CTTNBP2NL: variants seen among roughly 807,000 people sequenced by gnomAD.
The protein encoded by CTTNBP2NL is CTTNBP2 N-terminal like, also known as CTTNBP2 N-terminal-like protein.
A neutral mutation model predicts 32.5 loss-of-function variants in CTTNBP2NL; 16 were observed. The ratio of observed to expected loss-of-function variants is 0.49; its 90% confidence interval spans 0.33 to 0.75. CTTNBP2NL has a LOEUF of 0.75. CTTNBP2NL is among the 30% of genes least tolerant of loss of function. The probability of loss-of-function intolerance (pLI) is 0.02; values close to 1 mark genes in which losing one functional copy is unlikely to be tolerated. For synonymous variants in CTTNBP2NL, 298 were observed against 289.4 expected, an observed-to-expected ratio of 1.03 and a Z score of -0.30; for missense variants, 645 against 756.0, an observed-to-expected ratio of 0.85 and a Z score of 1.72.
chr1:112,391,121 C>G, the CTTNBP2NL span, among the ~76,000 whole-genome samples: 1 of 152,202 alleles, frequency 6.6e-6, no homozygotes, highest in Non-Finnish European at 1.5e-5. Context: ...TAAGGACTGC[C>G]CAGCAAATCC....
intron 3 of CTTNBP2NL, among the ~76,000 whole-genome samples, chr1:112,424,983 A>ATTTTTT (rs1239412500): frequency 2.2e-5 from 3 of 134,386 alleles, no homozygotes; most frequent in African/African-American, 5.5e-5. Context: ...GCCCAGCTAA[A>ATTTTTT]TTTTTTTTTT....
In CTTNBP2NL at chr1:112,457,074, C is replaced by A; in HGVS notation, c.1582C>A (p.Pro528Thr). 1 of 1,614,182 alleles carries A rather than the reference C, an allele frequency of 6.2e-7. No individual in the cohort carries two copies. Among genetic ancestry groups the A allele is most frequent in the South Asian group, 1.1e-5 (1 of 91,084 alleles). The change falls in exon 6 of 6, where the codon CCC becomes ACC. Residue 528 changes from proline (P) to threonine (T), a missense_variant. Transcript: ENST00000271277. Reference protein sequence around the residue: ...PIKPVSPNSSPFGTDYRNLAN... With the variant: ...PIKPVSPNSSTFGTDYRNLAN... The stretch of plus-strand genomic sequence containing the variant: ...CAAGCCAGTCTCTCCCAACAGCTCT[C>A]CCTTTGGCACAGACTATCGAAATCT...
intron 3 of CTTNBP2NL, 21 bp from the exon 4 acceptor site, chr1:112,448,921 A>G: frequency 7.0e-7 from 1 of 1,433,664 alleles, no homozygotes; most frequent in Non-Finnish European, 9.8e-7. Flanking sequence ...CAAGATGCTT[A>G]TTTTTTTTCC....
At chr1:112,424,245 A>G (rs954505326) in intron 3 of CTTNBP2NL, among the ~76,000 whole-genome samples, 5 of 151,846 alleles carry the variant, frequency 3.3e-5, no homozygotes, top group African/African-American at 9.7e-5. Flanking sequence ...GTTTTTTTGC[A>G]TATAGATGTC....
chr1:112,420,169 G>A (rs1158243265), intron 3 of CTTNBP2NL, among the ~76,000 whole-genome samples: 5 of 129,470 alleles, frequency 3.9e-5, no homozygotes, highest in African/African-American at 5.7e-5. Context: ...TTTTTGAGAT[G>A]AAGTCTCGCT....
chr1:112,410,391 C>CA (rs11350803), intron 1 of CTTNBP2NL, among the ~76,000 whole-genome samples: 1,414 of 127,396 alleles, frequency 0.011, 23 homozygotes, highest in African/African-American at 0.037. Context: ...AACTCCATCT[C>CA]AAAAAAAAAA....
rs773905643 is a variant in CTTNBP2NL at position 112,456,615 on chromosome 1, C to T, written c.1123C>T (p.Arg375Trp). Reference protein sequence around the residue: ...GNNVENQVPPREKSVALAQEK... With the variant: ...GNNVENQVPPWEKSVALAQEK... ...CAATGTAGAAAACCAGGTGCCTCCACGGGAAAAATCTGTGGCATTGGCCCA... is the reference window on the plus strand; with the variant it reads ...CAATGTAGAAAACCAGGTGCCTCCATGGGAAAAATCTGTGGCATTGGCCCA... Residue 375 changes from arginine (R) to tryptophan (W), a missense_variant, in exon 6 of 6, where the codon CGG (arginine) becomes TGG (tryptophan). By Grantham distance (101) the Arg-to-Trp change is moderately radical. Transcript: ENST00000271277. The T allele has an allele frequency of 1.1e-5, 18 of 1,614,124 alleles. No individual in the cohort carries two copies. The highest frequency in any genetic ancestry group is 5.5e-5 in the South Asian group (5 of 91,078).
intron 1 of CTTNBP2NL, among the ~76,000 whole-genome samples, chr1:112,403,696 G>A (rs1190936808): frequency 6.6e-6 from 1 of 152,226 alleles, no homozygotes; most frequent in Non-Finnish European, 1.5e-5. Context: ...GCAAAGGTAT[G>A]CGTTTACCTG....
At chr1:112,433,162 T>C (rs1649619255) in intron 3 of CTTNBP2NL, among the ~76,000 whole-genome samples, 2 of 152,238 alleles carry the variant, frequency 1.3e-5, no homozygotes, top group African/African-American at 4.8e-5. Flanking sequence ...GCACTTTTCA[T>C]AACTGTATTG....
intron 1 of CTTNBP2NL, among the ~76,000 whole-genome samples, chr1:112,400,966 CAAAAAAAAAAAAAA>C (rs56784970): frequency 1.9e-4 from 20 of 102,842 alleles, no homozygotes; most frequent in Admixed American, 4.9e-4. Flanking sequence ...ACTCTGTCAC[CAAAAAAAAAAAAAA>C]AAAAAAAAAA....
At chr1:112,423,244 C>T (rs572053153) in intron 3 of CTTNBP2NL, among the ~76,000 whole-genome samples, 2 of 152,166 alleles carry the variant, frequency 1.3e-5, no homozygotes, top group East Asian at 3.9e-4. Context: ...TATTTTCTCC[C>T]AGTCTGTGAC....
intron 1 of CTTNBP2NL, among the ~76,000 whole-genome samples, chr1:112,411,962 A>G (rs1248797982): frequency 1.3e-5 from 2 of 152,212 alleles, no homozygotes; most frequent in Non-Finnish European, 2.9e-5. Flanking sequence ...AGTGGAAAAG[A>G]TCTCAAAAGC....
chr1:112,448,762 T>C (rs752700475), intron 3 of CTTNBP2NL, among the ~76,000 whole-genome samples, 180 bp from the exon 4 acceptor site: 10 of 152,244 alleles, frequency 6.6e-5, no homozygotes, highest in Non-Finnish European at 1.5e-4. Context: ...TATTTGTTCT[T>C]GTTAATATAC....
chr1:112,454,973 AC>A (rs1462519617), intron 5 of CTTNBP2NL, among the ~76,000 whole-genome samples: 2 of 152,216 alleles, frequency 1.3e-5, no homozygotes, highest in South Asian at 4.1e-4. Context: ...ATACACAGTT[AC>A]GCCTGAAACA....
intron 1 of CTTNBP2NL, among the ~76,000 whole-genome samples, chr1:112,408,412 A>G (rs1216450977): frequency 6.6e-6 from 1 of 151,882 alleles, no homozygotes; most frequent in Non-Finnish European, 1.5e-5. Flanking sequence ...GCCAAAGAGG[A>G]ATGAAAGGGA....
chr1:112,400,067 C>T (rs1648449126), intron 1 of CTTNBP2NL, among the ~76,000 whole-genome samples: 1 of 152,086 alleles, frequency 6.6e-6, no homozygotes, highest in South Asian at 2.1e-4. Flanking sequence ...GAAACTTCAT[C>T]TCAAAAAATA....
chr1:112,436,183 A>C (rs974571777), intron 3 of CTTNBP2NL, among the ~76,000 whole-genome samples: 4 of 151,044 alleles, frequency 2.6e-5, no homozygotes, highest in African/African-American at 9.8e-5. Flanking sequence ...GGTAACTTTG[A>C]GTTCTTTAAC....
rs763123313 is a variant in CTTNBP2NL, at chr1:112,456,128, C to G, written c.636C>G (p.Ser212Arg). ...ELSLKLEKEK[S>R]RVSKLEEELA... is the part of the protein sequence containing the mutation. ...GCCTGAAATTGGAGAAGGAGAAGAG[C>G]CGGGTGAGTAAACTGGAAGAAGAGT... The change falls in exon 6 of 6, where the codon AGC becomes AGG. Residue 212 changes from serine to arginine, a missense_variant. Ser to Arg is a moderately radical substitution (Grantham distance 110, BLOSUM62 -1). Coordinates refer to ENST00000271277, the MANE Select transcript of CTTNBP2NL (RefSeq NM_018704.3). 3.1e-6 allele frequency: 5 copies of G among 1,613,914 alleles called. No homozygotes were observed. Among genetic ancestry groups the G allele is most frequent in the Middle Eastern group, 3.3e-4 (2 of 6,058 alleles).
chr1:112,445,341 C>A (rs1393996403), intron 3 of CTTNBP2NL, among the ~76,000 whole-genome samples: 2 of 152,120 alleles, frequency 1.3e-5, no homozygotes, highest in Non-Finnish European at 2.9e-5. Flanking sequence ...TCATTACACA[C>A]CCCCATTAAA....
Sources: allele counts gnomAD v4.1 joint callset (sites outside exome capture counted in the v4.1 genomes callset), GRCh38; gene constraint gnomAD v4.1.1; transcripts MANE v1.5; gene names NCBI Gene and HGNC (gene_info 2026-07-23, HGNC 2026-07-21).